STK32A: variants seen among roughly 807,000 people sequenced by gnomAD.
STK32A encodes serine/threonine kinase 32A, also known as serine/threonine-protein kinase 32A.
In STK32A, 41 loss-of-function variants were observed where a neutral mutation model predicts 53.2. That is an observed-to-expected ratio of 0.77 (90% CI 0.60 to 1.00). The LOEUF is 1.00. Ranked by LOEUF, STK32A falls within the 50% of genes least tolerant of loss-of-function variation. The pLI is 0.00. For missense variants in STK32A, 458 were observed against 485.8 expected (o/e 0.94, Z 0.54); for synonymous variants, 166 against 162.8 (o/e 1.02, Z -0.15).
chr5:147,305,754 T>A (rs1342923501), intron 4 of STK32A, among the ~76,000 whole-genome samples: 1 of 151,962 alleles, frequency 6.6e-6, no homozygotes. Flanking sequence ...AAATACTCCA[T>A]GGTTCATTTA....
intron 2 of STK32A, among the ~76,000 whole-genome samples, chr5:147,247,414 G>T (rs1250730068): frequency 6.6e-6 from 1 of 152,190 alleles, no homozygotes; most frequent in African/African-American, 2.4e-5. Context: ...AAAACTTCTG[G>T]CTATAGATTT....
intron 5 of STK32A, among the ~76,000 whole-genome samples, chr5:147,324,990 A>G (rs1172695224): frequency 6.6e-6 from 1 of 152,194 alleles, no homozygotes; most frequent in Non-Finnish European, 1.5e-5. Flanking sequence ...TTACACAGAT[A>G]AAGAAACTGT....
chr5:147,237,181 C>T (rs913722277), intron 1 of STK32A, among the ~76,000 whole-genome samples: 6 of 151,862 alleles, frequency 4.0e-5, no homozygotes, highest in African/African-American at 9.7e-5. Context: ...GGCATGGTGG[C>T]GGGTGCCTGT....
chr5:147,333,766 T>C (rs540265613), intron 5 of STK32A, among the ~76,000 whole-genome samples: 1 of 152,280 alleles, frequency 6.6e-6, no homozygotes, highest in East Asian at 1.9e-4. Context: ...TACTCCAGGA[T>C]ACATCATCAC....
chr5:147,400,253 G>A, the STK32A span, among the ~76,000 whole-genome samples: 1 of 152,140 alleles, frequency 6.6e-6, no homozygotes, highest in Non-Finnish European at 1.5e-5. Context: ...TCGCCTGAAT[G>A]ACCACATGCC....
At chr5:147,379,127 G>A (rs1757353493) in intron 11 of STK32A, among the ~76,000 whole-genome samples, 1 of 151,612 alleles carries the variant, frequency 6.6e-6, no homozygotes, top group Non-Finnish European at 1.5e-5. Context: ...TCTCCTTGAA[G>A]AGGTCCTTCA....
chr5:147,261,520 T>TAGAGTGGAGTAGGTGATCAGAATGAGTC (rs1157244851), intron 2 of STK32A, among the ~76,000 whole-genome samples: 6 of 152,022 alleles, frequency 3.9e-5, no homozygotes, highest in Non-Finnish European at 8.8e-5. Flanking sequence ...CAGACTGACT[T>TAGAGTGGAGTAGGTGATCAGAATGAGTC]AGAGTGGAGT....
Position 147,355,772 on chromosome 5 carries a change from A to ATGTG in STK32A, c.562+4623_562+4626dup, listed in dbSNP as rs1181116539. Among the ~76,000 whole-genome samples, 33 of 130,324 alleles carry ATGTG rather than the reference A, an allele frequency of 2.5e-4. 1 individual carries two copies. The highest frequency in any genetic ancestry group is 9.9e-4 in the African/African-American group (30 of 30,224). 85.5% of individuals were successfully genotyped at this position (130,324 alleles called of 152,430 possible). A position where few individuals can be genotyped will look rare whatever the true frequency, so the allele number is the denominator to read the frequency against. On this transcript the variant is annotated intron_variant, in intron 7 of 12. Coordinates refer to ENST00000397936, the MANE Select transcript of STK32A (RefSeq NM_001112724.2). ...TATGTATGTGTATATATGTATATGT[A>ATGTG]TGTGTGTGAGTGTGTGTGTGTATAT...
chr5:147,272,690 G>C (rs997434200), intron 2 of STK32A, among the ~76,000 whole-genome samples: 10 of 152,160 alleles, frequency 6.6e-5, no homozygotes, highest in African/African-American at 2.4e-4. Flanking sequence ...AGATAGCTTA[G>C]TTTTCACTGA....
At chr5:147,377,952 T>G (rs1022282394) in intron 11 of STK32A, among the ~76,000 whole-genome samples, 6 of 152,120 alleles carry the variant, frequency 3.9e-5, no homozygotes, top group African/African-American at 1.4e-4. Flanking sequence ...GTACTTTGCT[T>G]CAAAACAAAG....
In STK32A at chr5:147,384,017, G is replaced by T. The variant is rs1757558314; in HGVS notation, c.*34G>T. 6.3e-7 allele frequency: 1 copy of T among 1,584,414 alleles called. No homozygotes were observed. The highest frequency in any genetic ancestry group is 2.3e-5 in the East Asian group (1 of 43,938). The stretch of plus-strand genomic sequence containing the variant: ...TGTCTTCTTCTTGGGACAATCTCAT[G>T]CCAGAAACTTCTAATTACATATGTC... On this transcript the variant is annotated 3_prime_UTR_variant, in exon 13 of 13. Transcript: ENST00000397936.
rs145766665 is a variant in STK32A at position 147,335,791 on chromosome 5, ATGTG to A, written c.435-7204_435-7201del. Among the ~76,000 whole-genome samples, 8 of 151,884 alleles carry A rather than the reference ATGTG, an allele frequency of 5.3e-5. No individual in the cohort carries two copies. In the East Asian group the frequency reaches 1.2e-3, roughly 22 times the overall value. ...CACACAAAATACAGTGTGTGTGTGT[ATGTG>A]TGTGTGTGTGCGCGCGTGCATGCGT... On this transcript the variant is annotated intron_variant, in intron 5 of 12. Coordinates refer to ENST00000397936, the MANE Select transcript of STK32A (RefSeq NM_001112724.2).
At chr5:147,286,470 C>T (rs1023755955) in intron 4 of STK32A, among the ~76,000 whole-genome samples, 1 of 152,148 alleles carries the variant, frequency 6.6e-6, no homozygotes, top group African/African-American at 2.4e-5. Context: ...GCCAGCTTGG[C>T]TTACACCCTG....
chr5:147,303,170 T>C (rs559017561), intron 4 of STK32A, among the ~76,000 whole-genome samples: 1 of 152,346 alleles, frequency 6.6e-6, no homozygotes, highest in African/African-American at 2.4e-5. Context: ...GACGTGCTTT[T>C]AGATTAAGAA....
chr5:147,353,652 C>T (rs560741265), intron 7 of STK32A, among the ~76,000 whole-genome samples: 1 of 151,802 alleles, frequency 6.6e-6, no homozygotes, highest in South Asian at 2.1e-4. Context: ...CATAGCTACT[C>T]GGGAGGCTGA....
At chr5:147,390,313 T>C (rs531562213), downstream of STK32A, among the ~76,000 whole-genome samples, 5 of 152,160 alleles carry the variant, frequency 3.3e-5, no homozygotes, top group Non-Finnish European at 7.4e-5. Context: ...AGAGCAGATA[T>C]AGCAAATAAT....
chr5:147,339,400 T>C (rs1755294456), intron 5 of STK32A, among the ~76,000 whole-genome samples: 1 of 152,208 alleles, frequency 6.6e-6, no homozygotes, highest in African/African-American at 2.4e-5. Flanking sequence ...CCGACAGAGT[T>C]GTGCTACATG....
chr5:147,350,177 C>G (rs950320344), intron 6 of STK32A, among the ~76,000 whole-genome samples: 3 of 127,730 alleles, frequency 2.3e-5, no homozygotes, highest in Non-Finnish European at 4.9e-5. Context: ...CCCACCGCCC[C>G]CCGCTATCCC....
chr5:147,339,446 C>T (rs1050692626), intron 5 of STK32A, among the ~76,000 whole-genome samples: 1 of 152,314 alleles, frequency 6.6e-6, no homozygotes, highest in Non-Finnish European at 1.5e-5. Flanking sequence ...GCTAGGGCAG[C>T]GTGGAAGGGA....
Sources: gnomAD v4.1 joint callset for allele counts (sites outside exome capture counted in the v4.1 genomes callset) on GRCh38, gnomAD v4.1.1 for gene constraint, MANE v1.5 for transcripts, NCBI Gene and HGNC (gene_info 2026-07-23, HGNC 2026-07-21) for gene names.